CSGALNACT1: variants seen among roughly 807,000 people sequenced by gnomAD.
The protein encoded by CSGALNACT1 is beta4GalNAcT-1.
A neutral mutation model predicts 51.0 loss-of-function variants in CSGALNACT1; 52 were observed. The observed-to-expected ratio is 1.02, with a 90% CI of 0.82 to 1.29. CSGALNACT1 has a LOEUF of 1.29. CSGALNACT1 is among the 50% of genes most tolerant of loss of function. CSGALNACT1 has a pLI of 0.00. For missense variants in CSGALNACT1, 935 were observed against 679.2 expected (o/e 1.38, Z -4.19); for synonymous variants, 341 against 254.4 (o/e 1.34, Z -3.24).
intron 2 of CSGALNACT1, among the ~76,000 whole-genome samples, chr8:19,596,087 T>C (rs775758096): frequency 3.9e-5 from 6 of 152,088 alleles, no homozygotes; most frequent in Admixed American, 6.5e-5. Flanking sequence ...CGGTTGGTCT[T>C]GAACTCCTGA....
chr8:19,439,957 T>C, intron 5 of CSGALNACT1, 26 bp from the exon 5 acceptor site: 1 of 1,583,390 alleles, frequency 6.3e-7, no homozygotes, highest in Non-Finnish European at 8.7e-7. Flanking sequence ...CATGCATGTC[T>C]GGCACCTGTT....
intron 4 of CSGALNACT1, among the ~76,000 whole-genome samples, chr8:19,463,148 A>T (rs903762826): frequency 1.5e-4 from 17 of 114,478 alleles, no homozygotes; most frequent in African/African-American, 4.5e-4. Context: ...AAAGAACATG[A>T]TTTCATTCTT....
In CSGALNACT1 at chr8:19,710,478, G is replaced by A. The variant is rs140257938; in HGVS notation, c.-297+47372C>T. 4.6e-5 allele frequency among the ~76,000 whole-genome samples: 7 copies of A among 152,324 alleles called. No individual in the cohort carries two copies. The East Asian group carries it at 1.3e-3, about 29-fold the overall frequency. On this transcript the variant is annotated intron_variant, in intron 1 of 1. Transcript: ENST00000517494. The stretch of plus-strand genomic sequence containing the variant: ...CAAGTTCACAATCGTGGCTTCTTCT[G>A]AGGAGGGAAGGGAGAGGAACAAAGA...
chr8:19,479,251 A>G (rs4413788), intron 4 of CSGALNACT1, among the ~76,000 whole-genome samples: 115,995 of 152,084 alleles, frequency 0.76, 44,782 homozygotes, highest in East Asian at 0.86. Flanking sequence ...GCTGTCACCA[A>G]CGCAGACTAA....
intron 1 of CSGALNACT1, among the ~76,000 whole-genome samples, chr8:19,689,449 T>C (rs1401767816): frequency 6.6e-6 from 1 of 152,214 alleles, no homozygotes; most frequent in Non-Finnish European, 1.5e-5. Context: ...AAACCTTCCA[T>C]GCCTAGCCAT....
chr8:19,605,344 G>A (rs556372708), upstream of CSGALNACT1, among the ~76,000 whole-genome samples: 5 of 152,310 alleles, frequency 3.3e-5, no homozygotes, highest in African/African-American at 4.8e-5. Context: ...ACTGAGGCAT[G>A]AGAATGACTG....
chr8:19,428,136 C>T (rs146073641), intron 6 of CSGALNACT1, among the ~76,000 whole-genome samples: 1 of 152,266 alleles, frequency 6.6e-6, no homozygotes, highest in African/African-American at 2.4e-5. Context: ...ATGGATAATT[C>T]CCAGCTCCTG....
At chr8:19,599,472 A>AAAAGAAAGAAAAAGGAAGAAAGAAAG (rs1319884772) in intron 2 of CSGALNACT1, among the ~76,000 whole-genome samples, 4 of 113,736 alleles carry the variant, frequency 3.5e-5, no homozygotes, top group African/African-American at 1.4e-4. Flanking sequence ...GAAAGAAAGA[A>AAAAGAAAGAAAAAGGAAGAAAGAAAG]AAAGAAAGAA....
chr8:19,448,635 T>C (rs915859682), intron 5 of CSGALNACT1, among the ~76,000 whole-genome samples: 2 of 151,912 alleles, frequency 1.3e-5, no homozygotes, highest in African/African-American at 4.8e-5. Context: ...AGGAGGGGGA[T>C]CCAGGCTGAG....
At chr8:19,404,671 CCT>C (rs1274912844) in exon 10 of CSGALNACT1, 3 of 452,570 alleles carry the variant, frequency 6.6e-6, no homozygotes, top group Non-Finnish European at 8.8e-6. Context: ...GGAGGAGCAC[CCT>C]GTTTTGAAAA....
At chr8:19,442,539 GA>G (rs2061487785) in intron 5 of CSGALNACT1, among the ~76,000 whole-genome samples, 1 of 147,030 alleles carries the variant, frequency 6.8e-6, no homozygotes, top group Non-Finnish European at 1.5e-5. Context: ...ACGGACACAG[GA>G]AGGGGAACAT....
chr8:19,426,704 A>G (rs5009989), intron 6 of CSGALNACT1, among the ~76,000 whole-genome samples: 43,432 of 152,146 alleles, frequency 0.29, 6,491 homozygotes, highest in Middle Eastern at 0.38. Context: ...AGACTCCTCT[A>G]AGTTACACAG....
chr8:19,572,521 G>C (rs2043253707), intron 3 of CSGALNACT1, among the ~76,000 whole-genome samples: 1 of 152,158 alleles, frequency 6.6e-6, no homozygotes, highest in Admixed American at 6.5e-5. Flanking sequence ...GAAGGGAAAG[G>C]CTTCCTTGGC....
At chr8:19,485,584 C>T (rs536473125) in intron 4 of CSGALNACT1, among the ~76,000 whole-genome samples, 4 of 152,006 alleles carry the variant, frequency 2.6e-5, no homozygotes, top group Admixed American at 1.3e-4. Context: ...TTTTAGAAAG[C>T]CTACTAGCTT....
At chr8:19,670,650 C>CAAAAAAAAAAAAAAAAAAAAAAAAAA (rs752256046) in intron 1 of CSGALNACT1, among the ~76,000 whole-genome samples, 2 of 92,842 alleles carry the variant, frequency 2.2e-5, no homozygotes, top group African/African-American at 4.2e-5. Flanking sequence ...CTACTGAAGA[C>CAAAAAAAAAAAAAAAAAAAAAAAAAA]AAAAAAAAAA....
At chr8:19,405,260 C>A (rs992011577) in exon 10 of CSGALNACT1, 10 of 453,432 alleles carry the variant, frequency 2.2e-5, no homozygotes, top group African/African-American at 1.8e-4. Context: ...TTTATGGTTT[C>A]TTTTCTTTTC....
chr8:19,442,769 G>C (rs998421060), intron 5 of CSGALNACT1, among the ~76,000 whole-genome samples: 26 of 151,664 alleles, frequency 1.7e-4, no homozygotes, highest in African/African-American at 6.0e-4. Flanking sequence ...AAAGTCCAGA[G>C]AGGATGAGAC....
Position 19,730,663 on chromosome 8 carries a change from A to G in CSGALNACT1, c.-297+27187T>C, listed in dbSNP as rs114681877. ...GATGCCCACCTCCCAGGTGACAGCCACCCCTCCCAGGTCCATCCAGTGACG... is the reference window on the plus strand; with the variant it reads ...GATGCCCACCTCCCAGGTGACAGCCGCCCCTCCCAGGTCCATCCAGTGACG... On this transcript the variant is annotated intron_variant, in intron 1 of 1. Coordinates refer to the CSGALNACT1 transcript ENST00000517494. Among the ~76,000 whole-genome samples the G allele has an allele frequency of 7.9e-3, 1,209 of 152,232 alleles. 17 individuals are homozygous for G. Among genetic ancestry groups the G allele is most frequent in the African/African-American group, 0.026 (1,078 of 41,522 alleles).
chr8:19,414,973 A>G (rs998963068), intron 8 of CSGALNACT1, among the ~76,000 whole-genome samples: 2 of 152,176 alleles, frequency 1.3e-5, no homozygotes, highest in Non-Finnish European at 2.9e-5. Flanking sequence ...CCCCACCTAA[A>G]TAATCCATCT....
Sources: allele counts gnomAD v4.1 joint callset (sites outside exome capture counted in the v4.1 genomes callset), GRCh38; gene constraint gnomAD v4.1.1; transcripts MANE v1.5; gene names NCBI Gene and HGNC (gene_info 2026-07-23, HGNC 2026-07-21).